The following GPR35 variants were observed in gnomAD, a reference collection of about 807,000 sequenced individuals.
The protein encoded by GPR35 is KYNA receptor.
For synonymous variants in GPR35, 207 were observed against 198.4 expected, an observed-to-expected ratio of 1.04 and a Z score of -0.36; for missense variants, 372 against 422.5, an observed-to-expected ratio of 0.88 and a Z score of 1.05.
At chr2:240,626,918 G>A (rs2125487342) in intron 1 of GPR35, among the ~76,000 whole-genome samples, 1 of 152,330 alleles carries the variant, frequency 6.6e-6, no homozygotes, top group East Asian at 1.9e-4. Context: ...CTATGGCCAG[G>A]TTTCTCTCCT....
chr2:240,625,812 G>C (rs1450242157), intron 1 of GPR35, among the ~76,000 whole-genome samples: 1 of 125,948 alleles, frequency 7.9e-6, no homozygotes, highest in African/African-American at 2.9e-5. Flanking sequence ...TCTCAGAGTG[G>C]GGTGAGGCTG....
upstream of GPR35, among the ~76,000 whole-genome samples, chr2:240,622,169 C>T (rs74270181): frequency 5.4e-3 from 827 of 152,278 alleles, 11 homozygotes; most frequent in Non-Finnish European, 5.5e-3. Flanking sequence ...CCTGAGCCAC[C>T]GCGTCCGGCC....
intron 1 of GPR35, chr2:240,627,654 T>TTTTTC (rs1307784042): frequency 7.4e-6 from 1 of 134,832 alleles, no homozygotes; most frequent in Non-Finnish European, 1.7e-5. Context: ...TTTTTTTTTT[T>TTTTTC]TGTAGAGACG....
At chr2:240,624,551 G>A (rs2043347076), upstream of GPR35, among the ~76,000 whole-genome samples, 2 of 152,210 alleles carry the variant, frequency 1.3e-5, no homozygotes, top group South Asian at 4.1e-4. Flanking sequence ...GTGACGCTGG[G>A]CCAAGCGCTT....
At position 240,630,824 on chromosome 2, in the gene GPR35, T is replaced by A. The variant is rs2043438149; in HGVS notation, c.872T>A (p.Val291Glu). Residue 291 changes from valine to glutamate, a missense_variant, in exon 2 of 2, where the codon GTG (valine) becomes GAG (glutamate). Val to Glu is a moderately radical substitution (Grantham distance 121). Transcript: ENST00000407714. ...TTCCAGGAGGCGTCTGCACTGGCCG[T>A]GGCTCCCAGTGCTAAGGCCCACAAA... ...KEFQEASALA[V>E]APSAKAHKSQ... The A allele has an allele frequency of 6.2e-7, 1 of 1,613,086 alleles. No homozygotes were observed. The highest frequency in any genetic ancestry group is 8.5e-7 in the Non-Finnish European group (1 of 1,180,000).
intron 2 of GPR35, among the ~76,000 whole-genome samples, chr2:240,612,137 T>C (rs963515412): frequency 4.0e-5 from 6 of 151,812 alleles, no homozygotes; most frequent in African/African-American, 1.5e-4. Flanking sequence ...TGGTGTTCAT[T>C]TAGATCTACT....
At chr2:240,617,430 C>G (rs2043250533) in intron 4 of GPR35, 1 of 592,874 alleles carries the variant, frequency 1.7e-6, no homozygotes, top group East Asian at 2.8e-5. Flanking sequence ...GCTGACAATG[C>G]ACAGCTAAAA....
chr2:240,628,690 C>T (rs971805616), intron 1 of GPR35: 3 of 152,218 alleles, frequency 2.0e-5, no homozygotes, highest in African/African-American at 7.2e-5. Flanking sequence ...CTCCTCTGGG[C>T]AGAGGGAGGA....
At chr2:240,625,612 G>A (rs1001282858) in intron 1 of GPR35, 44 bp downstream of exon 1, 7 of 917,002 alleles carry the variant, frequency 7.6e-6, no homozygotes, top group Non-Finnish European at 9.1e-6. Flanking sequence ...GCGGGGCAGG[G>A]GCATGGTGGG....
chr2:240,616,895 G>A, intron 3 of GPR35: 1 of 749,794 alleles, frequency 1.3e-6, no homozygotes, highest in South Asian at 1.4e-5. Flanking sequence ...GGCATGGCCA[G>A]TAAGGAACTG....
intron 2 of GPR35, among the ~76,000 whole-genome samples, chr2:240,613,205 C>T (rs903330165): frequency 2.0e-5 from 3 of 152,102 alleles, no homozygotes; most frequent in African/African-American, 7.2e-5. Context: ...CGCTGCAGGC[C>T]ACCCAGAAGG....
At chr2:240,613,488 G>C (rs940481892) in intron 2 of GPR35, among the ~76,000 whole-genome samples, 5 of 151,902 alleles carry the variant, frequency 3.3e-5, no homozygotes, top group Admixed American at 1.3e-4. Context: ...CCTAAACCTC[G>C]TGTGGCCTGG....
chr2:240,622,946 G>A (rs953061556), upstream of GPR35, among the ~76,000 whole-genome samples: 2 of 152,256 alleles, frequency 1.3e-5, no homozygotes, highest in African/African-American at 2.4e-5. Flanking sequence ...GCCCAGCAGG[G>A]AGAGAACAGG....
In GPR35 at chr2:240,615,175, C is replaced by T. The variant is rs141790541; in HGVS notation, c.-576-1213C>T. Among the ~76,000 whole-genome samples the T allele has an allele frequency of 5.9e-4, 90 of 152,188 alleles. No individual in the cohort carries two copies. In the East Asian group the frequency reaches 0.017, roughly 28 times the overall value. On this transcript the variant is annotated intron_variant, in intron 2 of 5. Coordinates refer to the GPR35 transcript ENST00000319838. ...CAGGCGAGGGAGAAGCTGTATTGCA[C>T]CACCACCCAGGCCCTTCGAGCCCAA...
At position 240,630,883 on chromosome 2, in the gene GPR35, G is replaced by A. The variant is rs751886685; in HGVS notation, c.*1G>A. ...CTCTCTGTGCGTGACCCTCGCCTAA[G>A]AGGCGTGCTGTGGGCGCTGTGGGCC... On this transcript the variant is annotated 3_prime_UTR_variant, in exon 2 of 2. Transcript: ENST00000407714. 2 of 1,605,296 alleles carry A rather than the reference G, an allele frequency of 1.2e-6. No homozygotes were observed. The highest frequency in any genetic ancestry group is 1.7e-5 in the Admixed American group (1 of 59,846).
At chr2:240,628,503 CA>C (rs969182730) in intron 1 of GPR35, 3 of 152,240 alleles carry the variant, frequency 2.0e-5, no homozygotes, top group South Asian at 2.1e-4. Context: ...AGAATGAAGC[CA>C]GGGGGCAGAA....
At chr2:240,611,130 T>G (rs1208511587) in intron 2 of GPR35, among the ~76,000 whole-genome samples, 3 of 151,968 alleles carry the variant, frequency 2.0e-5, no homozygotes, top group Admixed American at 6.6e-5. Flanking sequence ...TTGTTTTTGT[T>G]TTTTTTCGGT....
upstream of GPR35, among the ~76,000 whole-genome samples, chr2:240,624,994 G>A (rs2043352704): frequency 1.3e-5 from 2 of 152,190 alleles, no homozygotes; most frequent in Admixed American, 1.3e-4. Flanking sequence ...ATGTGTGCCA[G>A]CGTGTGTGTG....
At chr2:240,617,121 G>C in exon 4 of GPR35, 1 of 695,492 alleles carries the variant, frequency 1.4e-6, no homozygotes, top group Non-Finnish European at 2.6e-6. Flanking sequence ...GAATCTCCTC[G>C]TAGCTGAGCC....
Sources: allele counts gnomAD v4.1 joint callset (sites outside exome capture counted in the v4.1 genomes callset), GRCh38; gene constraint gnomAD v4.1.1; transcripts MANE v1.5; gene names NCBI Gene and HGNC (gene_info 2026-07-23, HGNC 2026-07-21).